The following DHX37 variants were observed in gnomAD, a reference collection of about 807,000 sequenced individuals.
DHX37 encodes the protein DEAH-box helicase 37.
A neutral mutation model predicts 134.3 loss-of-function variants in DHX37; 52 were observed. The observed-to-expected ratio is 0.39, with a 90% confidence interval of 0.31 to 0.49. The LOEUF is 0.49. DHX37 is among the 20% of genes least tolerant of loss of function. The pLI is 0.93. For missense variants in DHX37, 1,344 were observed against 1,580.8 expected (o/e 0.85, Z 2.54); for synonymous variants, 634 against 670.7 (o/e 0.95, Z 0.85).
In DHX37 at chr12:124,988,945, C is replaced by T. The variant is rs778379260; in HGVS notation, c.78G>A (p.Glu26=). ...CCAGTTCCAGCTGCACGGGGGGCGG[C>T]TCGGGGGGGCCCTTCGAGGGTCCGG... is the stretch of plus-strand genomic sequence containing the variant. ...AGPGPSKGPP[E]PPPVQLELED... Residue 26 remains glutamate, a synonymous_variant, in exon 1 of 27, where the codon GAG becomes GAA. Coordinates refer to ENST00000308736, the MANE Select transcript of DHX37 (RefSeq NM_032656.4). 2 of 1,340,122 alleles carry T rather than the reference C, an allele frequency of 1.5e-6. No homozygotes were observed. Among genetic ancestry groups the T allele is most frequent in the Non-Finnish European group, 1.9e-6 (2 of 1,036,466 alleles). The allele number at this position is 1,340,122 out of a possible 1,614,324, so 83.0% of individuals were successfully genotyped here. A position where few individuals can be genotyped will look rare whatever the true frequency, so the allele number is the denominator to read the frequency against.
At chr12:124,958,878 C>T (rs1232867609) in intron 16 of DHX37, among the ~76,000 whole-genome samples, 2 of 151,094 alleles carry the variant, frequency 1.3e-5, no homozygotes, top group Admixed American at 1.3e-4. Context: ...CCCGCCTCGG[C>T]CTCCCAAAGT....
At chr12:124,969,475 G>A (rs548443285) in intron 8 of DHX37, among the ~76,000 whole-genome samples, 1 of 152,232 alleles carries the variant, frequency 6.6e-6, no homozygotes, top group Admixed American at 6.5e-5. Flanking sequence ...ACCTCTGTGG[G>A]AGGCAGGACA....
At chr12:124,982,087 C>T (rs917610865) in intron 3 of DHX37, among the ~76,000 whole-genome samples, 21 of 150,586 alleles carry the variant, frequency 1.4e-4, no homozygotes, top group Admixed American at 1.4e-3. Context: ...CACGCCATTG[C>T]ACTCCAGCCT....
chr12:124,950,801 G>C lies in DHX37; in HGVS notation c.2872C>G (p.Pro958Ala), dbSNP rs1259855348. ...ATGAAGACAGGGTCGTCGAGGAGAGGGGTCTGCAGAGAATGGAGAGTGATG... is the reference window on the plus strand; with the variant it reads ...ATGAAGACAGGGTCGTCGAGGAGAGCGGTCTGCAGAGAATGGAGAGTGATG... ...EDKWRNAYKT[P>A]LLDDPVFIHP... The change falls in exon 22 of 27, where the codon CCT (proline) becomes GCT (alanine). Residue 958 changes from proline to alanine, a missense_variant. Coordinates refer to ENST00000308736, the MANE Select transcript of DHX37 (RefSeq NM_032656.4). The C allele has an allele frequency of 1.9e-6, 3 of 1,603,082 alleles. No homozygotes were observed. Among genetic ancestry groups the C allele is most frequent in the South Asian group, 2.2e-5 (2 of 89,612 alleles).
rs748686865 is a variant in DHX37 at position 124,986,149 on chromosome 12, T to G, written c.223A>C (p.Lys75Gln). 1 of 1,614,220 alleles carries G rather than the reference T, an allele frequency of 6.2e-7. No homozygotes were observed. Among genetic ancestry groups the G allele is most frequent in the Non-Finnish European group, 8.5e-7 (1 of 1,180,036 alleles). ...SKKEKKPLTK[K>Q]EKKVLQKILE... ...ATTTTCTGCAGCACTTTCTTCTCCT[T>G]CTTGGTCAGAGGCTTCTTCTCCTTC... is the stretch of plus-strand genomic sequence containing the variant. Residue 75 changes from lysine to glutamine, a missense_variant, in exon 2 of 27, where the codon AAG becomes CAG. Coordinates refer to ENST00000308736, the MANE Select transcript of DHX37 (RefSeq NM_032656.4).
intron 15 of DHX37, among the ~76,000 whole-genome samples, chr12:124,961,179 T>C (rs61942949): frequency 0.47 from 52,961 of 113,116 alleles, 9,678 homozygotes; most frequent in East Asian, 0.67. Flanking sequence ...CACGCGCGCA[T>C]GCGCGCACGC....
chr12:124,947,850 G>A lies in DHX37; in HGVS notation c.3426C>T (p.Ala1142=). 6.2e-7 allele frequency: 1 copy of A among 1,608,528 alleles called. No homozygotes were observed. The highest frequency in any genetic ancestry group is 1.3e-5 in the African/African-American group (1 of 75,016). ...AGGCTTTCTCGATATCGGGGTGCAT[G>A]GCCTGTGGAAGCCACTCACAGTACT... ...LAEYCEWLPQ[A]MHPDIEKAWP... is the part of the protein sequence containing the mutation. Residue 1142 remains alanine, a synonymous_variant, in exon 27 of 27, where the codon GCC becomes GCT. Transcript: ENST00000308736.
rs1309118791 is a variant in DHX37 at position 124,986,211 on chromosome 12, T to C, written c.161A>G (p.Lys54Arg). 6.2e-7 allele frequency: 1 copy of C among 1,614,180 alleles called. No homozygotes were observed. The highest frequency in any genetic ancestry group is 8.5e-7 in the Non-Finnish European group (1 of 1,180,034). Residue 54 changes from lysine (K) to arginine (R), a missense_variant, in exon 2 of 27, where the codon AAG (lysine) becomes AGG (arginine). Physicochemically the swap from Lys to Arg is conservative, Grantham distance 26 (BLOSUM62 2). Around this residue, in one of 7 missense-constraint regions of DHX37, gnomAD observed 319 missense variants for 296.1 expected, o/e 1.08. Coordinates refer to ENST00000308736, the MANE Select transcript of DHX37 (RefSeq NM_032656.4). ...AGGGGCTTTGGTCTTCTTTTTCTTCTTCCCCGGTAGAACGAGCGCGTTGCT... is the reference window on the plus strand; with the variant it reads ...AGGGGCTTTGGTCTTCTTTTTCTTCCTCCCCGGTAGAACGAGCGCGTTGCT... ...DASNALVLPG[K>R]KKKKTKAPPL... is the part of the protein sequence containing the mutation.
Position 124,968,930 on chromosome 12 carries a change from C to T in DHX37, c.1230G>A (p.Thr410=), listed in dbSNP as rs773294779. Residue 410 remains threonine (T), a synonymous_variant, in exon 9 of 27, where the codon ACG becomes ACA. Transcript: ENST00000308736. ...LPLKLLIMSA[T]LRVEDFTQNP... ...TCTGGGTGAAGTCCTCCACCCGCAG[C>T]GTGGCCGACATGATGAGCAGCTTGA... 7.4e-6 allele frequency: 12 copies of T among 1,613,926 alleles called. No homozygotes were observed. In the East Asian group the frequency reaches 1.1e-4, roughly 15 times the overall value.
At chr12:124,988,891 C>A in intron 1 of DHX37, 26 bp downstream of exon 1, 1 of 1,297,636 alleles carries the variant, frequency 7.7e-7, no homozygotes, top group Admixed American at 3.1e-5. Context: ...TCTCCGAAAT[C>A]CAGCCCCGGT....
At chr12:124,954,602 G>A (rs573834382) in intron 18 of DHX37, among the ~76,000 whole-genome samples, 275 of 152,202 alleles carry the variant, frequency 1.8e-3, no homozygotes, top group African/African-American at 6.4e-3. Context: ...GTTTCACCGT[G>A]TTAGCCAGAA....
chr12:124,968,419 T>A (rs1954440705), intron 10 of DHX37, 115 bp downstream of exon 10: 1 of 1,515,716 alleles, frequency 6.6e-7, no homozygotes. Flanking sequence ...AGCCGAGGCC[T>A]GGCAGGGTCA....
intron 12 of DHX37, among the ~76,000 whole-genome samples, chr12:124,966,438 A>C (rs1954389119): frequency 6.6e-6 from 1 of 152,164 alleles, no homozygotes; most frequent in African/African-American, 2.4e-5. Flanking sequence ...ATCACAGCTC[A>C]TTGCAGCCTT....
intron 20 of DHX37, chr12:124,953,504 A>C: frequency 4.6e-6 from 1 of 218,470 alleles, no homozygotes; most frequent in Non-Finnish European, 9.3e-6. Flanking sequence ...TGTGCTGCTG[A>C]GCTGAGGTAG....
In DHX37 at chr12:124,954,094, C is replaced by A. The variant is rs1327854841; in HGVS notation, c.2571G>T (p.Val857=). 3 of 1,609,004 alleles carry A rather than the reference C, an allele frequency of 1.9e-6. No individual in the cohort carries two copies. Among genetic ancestry groups the A allele is most frequent in the South Asian group, 2.2e-5 (2 of 90,424 alleles). ...GASLKLGDLM[V]LLGAVGACEY... Reference sequence around the variant, plus strand: ...AACGGGCAGGGCACAAACCCAGCAGCACCATGAGGTCGCCGAGCTTCAGAG... The same window carrying A: ...AACGGGCAGGGCACAAACCCAGCAGAACCATGAGGTCGCCGAGCTTCAGAG... Residue 857 remains valine, a synonymous_variant, in exon 19 of 27, where the codon GTG becomes GTT. Transcript: ENST00000308736.
At chr12:124,958,082 A>C (rs1954138384) in intron 16 of DHX37, among the ~76,000 whole-genome samples, 1 of 152,210 alleles carries the variant, frequency 6.6e-6, no homozygotes, top group Non-Finnish European at 1.5e-5. Flanking sequence ...GGGGCCAGGG[A>C]GCTGGGAGGT....
chr12:124,964,819 T>A, intron 14 of DHX37, 111 bp downstream of exon 14: 1 of 1,439,226 alleles, frequency 6.9e-7, no homozygotes, highest in East Asian at 2.5e-5. Context: ...CTCAAAACTC[T>A]GGGGATGCTG....
chr12:124,961,897 C>T (rs1354003526), intron 15 of DHX37, among the ~76,000 whole-genome samples: 1 of 152,068 alleles, frequency 6.6e-6, no homozygotes, highest in Non-Finnish European at 1.5e-5. Flanking sequence ...AATATGATAC[C>T]ACTTCACATC....
At chr12:124,974,798 CAG>C (rs35822864) in intron 6 of DHX37, among the ~76,000 whole-genome samples, 24,245 of 149,648 alleles carry the variant, frequency 0.16, 2,424 homozygotes, top group East Asian at 0.54. Flanking sequence ...TTTTTTGAGA[CAG>C]AGTTTCACTC....
Sources: gnomAD v4.1 joint callset for allele counts (sites outside exome capture counted in the v4.1 genomes callset) on GRCh38, gnomAD v4.1.1 for gene constraint, gnomAD v4.1.1 regional missense constraint, MANE v1.5 for transcripts, NCBI Gene and HGNC (gene_info 2026-07-23, HGNC 2026-07-21) for gene names.